ROBO2: variants seen among roughly 807,000 people sequenced by gnomAD.
ROBO2 encodes roundabout guidance receptor 2.
In ROBO2, 53 loss-of-function variants were observed where a neutral mutation model predicts 160.8. The ratio of observed to expected loss-of-function variants is 0.33; its 90% CI spans 0.26 to 0.41. The LOEUF (loss-of-function observed/expected upper bound fraction) is 0.41, where lower values mean the gene tolerates loss of function less well. Ranked by LOEUF, ROBO2 falls within the 10% of genes least tolerant of loss-of-function variation. ROBO2 has a pLI of 1.00. For missense variants in ROBO2, 1,577 were observed against 1,722.4 expected, an observed-to-expected ratio of 0.92 and a Z score of 1.49; for synonymous variants, 664 against 611.7, an observed-to-expected ratio of 1.09 and a Z score of -1.26.
intron 2 of ROBO2, among the ~76,000 whole-genome samples, chr3:76,127,738 C>T (rs560299784): frequency 5.3e-4 from 80 of 152,090 alleles, no homozygotes; most frequent in African/African-American, 1.8e-3. Flanking sequence ...GGTTATAACA[C>T]TTATAGGCTA....
At chr3:76,998,482 C>A (rs2149405596) in intron 2 of ROBO2, among the ~76,000 whole-genome samples, 1 of 152,210 alleles carries the variant, frequency 6.6e-6, no homozygotes, top group East Asian at 1.9e-4. Context: ...CAAGAAACTT[C>A]CACATACATT....
intron 2 of ROBO2, among the ~76,000 whole-genome samples, chr3:76,316,840 C>T (rs891898316): frequency 1.1e-4 from 17 of 152,258 alleles, no homozygotes; most frequent in East Asian, 1.9e-4. Flanking sequence ...GTTCCTCGGC[C>T]GCGGCTCCAG....
intron 2 of ROBO2, among the ~76,000 whole-genome samples, chr3:76,893,243 C>G (rs1308973063): frequency 2.0e-5 from 3 of 150,792 alleles, no homozygotes; most frequent in Non-Finnish European, 3.0e-5. Flanking sequence ...CTGAACTATT[C>G]AACAAGATGA....
rs58101234 is a variant in ROBO2 at position 76,002,491 on chromosome 3, C to G, written c.109+64889C>G. Among the ~76,000 whole-genome samples, 1,033 of 152,172 alleles carry G rather than the reference C, an allele frequency of 6.8e-3. 68 individuals are homozygous for G. In the East Asian group the frequency reaches 0.17, roughly 25 times the overall value. On this transcript the variant is annotated intron_variant, in intron 2 of 26. Coordinates refer to the ROBO2 transcript ENST00000487694. ...GAATCACGGGGGCAGTTTCCCCATA[C>G]TGTTCTTGTAGTGGTGAATGAGTCT... is the stretch of plus-strand genomic sequence containing the variant.
At chr3:76,511,717 C>T (rs1355114488) in intron 2 of ROBO2, among the ~76,000 whole-genome samples, 1 of 152,064 alleles carries the variant, frequency 6.6e-6, no homozygotes, top group African/African-American at 2.4e-5. Flanking sequence ...TCTGGCCTGC[C>T]TTTATGTTCA....
intron 2 of ROBO2, among the ~76,000 whole-genome samples, chr3:76,868,299 C>T (rs1261475276): frequency 3.3e-5 from 5 of 152,094 alleles, no homozygotes; most frequent in Admixed American, 1.3e-4. Context: ...AGTGACTATG[C>T]TCTTTTAAAT....
intron 1 of ROBO2, among the ~76,000 whole-genome samples, chr3:75,932,666 A>C (rs17028554): frequency 0.42 from 63,170 of 151,996 alleles, 15,296 homozygotes; most frequent in Non-Finnish European, 0.55. Flanking sequence ...CAAATTGGCA[A>C]ATGATTTATC....
chr3:76,555,371 A>C (rs973935324), intron 2 of ROBO2, among the ~76,000 whole-genome samples: 1 of 49,774 alleles, frequency 2.0e-5, no homozygotes, highest in Non-Finnish European at 5.9e-5. Context: ...AAGAAGAAGA[A>C]GAAGAAGAAG....
chr3:76,477,646 C>T (rs1016191829), intron 2 of ROBO2, among the ~76,000 whole-genome samples: 2 of 152,004 alleles, frequency 1.3e-5, no homozygotes, highest in African/African-American at 2.4e-5. Flanking sequence ...GATCTAACTG[C>T]TCTTAATTTT....
intron 2 of ROBO2, among the ~76,000 whole-genome samples, chr3:76,705,831 T>C (rs1560413334): frequency 6.6e-6 from 1 of 152,144 alleles, no homozygotes; most frequent in African/African-American, 2.4e-5. Context: ...ATGCCACAGT[T>C]GAATTTAAAG....
chr3:76,194,364 A>G (rs1214505135), intron 2 of ROBO2, among the ~76,000 whole-genome samples: 32 of 116,420 alleles, frequency 2.7e-4, no homozygotes, highest in East Asian at 2.7e-3. Flanking sequence ...ATATATATAT[A>G]TATATATATA....
chr3:77,633,451 TTGTA>T (rs2095208363), intron 23 of ROBO2: 1 of 152,200 alleles, frequency 6.6e-6, no homozygotes, highest in African/African-American at 2.4e-5. Flanking sequence ...GCTTTTACAT[TTGTA>T]TGTATAATTC....
chr3:76,840,402 G>A, intron 2 of ROBO2, among the ~76,000 whole-genome samples: 1 of 151,432 alleles, frequency 6.6e-6, no homozygotes, highest in East Asian at 1.9e-4. Flanking sequence ...GAGGTCAGGA[G>A]ATTGAGACCA....
chr3:76,638,726 G>A (rs571577740), intron 2 of ROBO2, among the ~76,000 whole-genome samples: 2 of 152,140 alleles, frequency 1.3e-5, no homozygotes, highest in East Asian at 3.9e-4. Context: ...CTTATCAGTA[G>A]CCTTTTTTGT....
At chr3:76,656,150 T>G (rs2091513785) in intron 2 of ROBO2, among the ~76,000 whole-genome samples, 1 of 152,156 alleles carries the variant, frequency 6.6e-6, no homozygotes, top group Non-Finnish European at 1.5e-5. Context: ...GATGGAGTTT[T>G]AGGAAGAAGT....
rs546680165 is a variant in ROBO2 at position 76,931,481 on chromosome 3, C to T, written c.110-166533C>T. Among the ~76,000 whole-genome samples the T allele has an allele frequency of 7.9e-5, 12 of 151,792 alleles. No individual in the cohort carries two copies. The South Asian group carries it at 2.3e-3, about 29-fold the overall frequency. On this transcript the variant is annotated intron_variant, in intron 2 of 26. Coordinates refer to the ROBO2 transcript ENST00000487694. ...GACTTTTCATTCATTTATGATCTTA[C>T]ATATTTAATTATCTATTTATGCTAC...
At chr3:76,855,159 G>T (rs1275645874) in intron 2 of ROBO2, among the ~76,000 whole-genome samples, 1 of 152,138 alleles carries the variant, frequency 6.6e-6, no homozygotes, top group East Asian at 1.9e-4. Context: ...ATTTTATATG[G>T]TTTCTCATTT....
intron 2 of ROBO2, among the ~76,000 whole-genome samples, chr3:76,827,179 G>A (rs1576883814): frequency 6.6e-6 from 1 of 152,038 alleles, no homozygotes; most frequent in South Asian, 2.1e-4. Context: ...TAAATCCTGA[G>A]GCATTTAGTG....
intron 6 of ROBO2, among the ~76,000 whole-genome samples, chr3:77,541,845 A>G (rs962754760): frequency 1.1e-4 from 16 of 152,178 alleles, no homozygotes; most frequent in African/African-American, 3.4e-4. Flanking sequence ...GAGAATTGCC[A>G]TTTTTATAAC....
Sources: allele counts gnomAD v4.1 joint callset (sites outside exome capture counted in the v4.1 genomes callset), GRCh38; gene constraint gnomAD v4.1.1; transcripts MANE v1.5; gene names NCBI Gene and HGNC (gene_info 2026-07-23, HGNC 2026-07-21).